The following MAMLD1 variants were observed in gnomAD, a reference collection of about 807,000 sequenced individuals.
MAMLD1 encodes mastermind-like domain-containing protein 1.
In MAMLD1, 14 loss-of-function variants were observed where a neutral mutation model predicts 45.0. The ratio of observed to expected loss-of-function variants is 0.31; its 90% CI spans 0.21 to 0.49. MAMLD1 has a LOEUF of 0.49. Ranked by LOEUF, MAMLD1 falls within the 20% of genes least tolerant of loss-of-function variation. The pLI, the probability that MAMLD1 is intolerant of heterozygous loss-of-function variation, is 0.99. For missense variants in MAMLD1, 543 were observed against 603.6 expected, an observed-to-expected ratio of 0.90 and a Z score of 1.05; for synonymous variants, 254 against 247.8, an observed-to-expected ratio of 1.02 and a Z score of -0.24.
At chrX:150,365,320 A>G (rs1159333966) in intron 1 of MAMLD1, among the ~76,000 whole-genome samples, 7 of 111,877 alleles carry the variant, frequency 6.3e-5, no homozygotes, top group Non-Finnish European at 1.9e-5. Context: ...GGAACCCACG[A>G]AGGCGCACGG....
intron 1 of MAMLD1, among the ~76,000 whole-genome samples, chrX:150,403,814 GAAGA>G (rs1462645842): frequency 3.3e-5 from 3 of 90,061 alleles, no homozygotes; most frequent in Non-Finnish European, 4.4e-5. Context: ...AGGAAGAAAG[GAAGA>G]AAGAAAGAAA....
At chrX:150,511,313 G>A (rs2037891308) in intron 7 of MAMLD1, among the ~76,000 whole-genome samples, 2 of 111,766 alleles carry the variant, frequency 1.8e-5, no homozygotes, top group South Asian at 7.6e-4. Flanking sequence ...TCCATCTTCT[G>A]CTCCGTGTCT....
intron 4 of MAMLD1, 69 bp from the exon 5 acceptor site, chrX:150,473,611 A>T: frequency 9.0e-7 from 1 of 1,112,761 alleles, no homozygotes; most frequent in Non-Finnish European, 1.2e-6. Flanking sequence ...CACATAGGAC[A>T]CGGCAGGCCA....
Position 150,470,339 on chromosome X carries a change from T to C in MAMLD1, c.766T>C (p.Ser256Pro), listed in dbSNP as rs782392419. Residue 256 changes from serine to proline, a missense_variant, in exon 4 of 8, where the codon TCC becomes CCC. Ser to Pro is a moderately conservative substitution (Grantham distance 74). Transcript: ENST00000370401. ...VTGMSLQIPS[S>P]STGISYSIPS... ...TGGCATGTCACTTCAGATCCCATCC[T>C]CCTCCACAGGGATCAGCTATTCGAT... 1 of 1,207,441 alleles carries C rather than the reference T, an allele frequency of 8.3e-7. No homozygotes were observed. Among genetic ancestry groups the C allele is most frequent in the South Asian group, 1.8e-5 (1 of 56,548 alleles).
At chrX:150,403,904 GAAGA>G (rs1299426842) in intron 1 of MAMLD1, among the ~76,000 whole-genome samples, 3 of 89,380 alleles carry the variant, frequency 3.4e-5, no homozygotes, top group Non-Finnish European at 6.6e-5. Context: ...GAAAAAGAAA[GAAGA>G]AAGAAAAAGA....
intron 2 of MAMLD1, among the ~76,000 whole-genome samples, chrX:150,453,553 AGT>A (rs1294427026): frequency 1.8e-5 from 2 of 111,857 alleles, no homozygotes; most frequent in Admixed American, 9.4e-5. Context: ...TGCCCCTAAA[AGT>A]GTTTCTTTTC....
At position 150,383,773 on chromosome X, in the gene MAMLD1, G is replaced by T. The variant is rs149993428; in HGVS notation, c.-64+20243G>T. On this transcript the variant is annotated intron_variant, in intron 1 of 7. Transcript: ENST00000370401. ...TAGCAAACATCCTCAATTACCCCCT[G>T]CCCAAGCCCTTAGTAACTATTAATA... is the stretch of plus-strand genomic sequence containing the variant. 5.2e-3 allele frequency among the ~76,000 whole-genome samples: 583 copies of T among 111,193 alleles called. 2 individuals carry two copies. Among genetic ancestry groups the T allele is most frequent in the African/African-American group, 0.018 (562 of 30,605 alleles).
At chrX:150,485,972 T>A (rs187802421) in intron 5 of MAMLD1, among the ~76,000 whole-genome samples, 1 of 111,653 alleles carries the variant, frequency 9.0e-6, no homozygotes, top group Admixed American at 9.5e-5. Context: ...AACTCAGGGG[T>A]CTGAGAGGCC....
intron 1 of MAMLD1, among the ~76,000 whole-genome samples, chrX:150,426,379 C>T (rs1229858020): frequency 1.8e-5 from 2 of 111,876 alleles, no homozygotes; most frequent in Non-Finnish European, 3.8e-5. Flanking sequence ...TCCCAACATC[C>T]AGGCCGGAAG....
intron 2 of MAMLD1, among the ~76,000 whole-genome samples, chrX:150,446,996 T>A (rs2035509593): frequency 8.9e-6 from 1 of 112,344 alleles, no homozygotes; most frequent in South Asian, 3.7e-4. Flanking sequence ...CCCAACTCCA[T>A]CAACACTCTT....
intron 1 of MAMLD1, among the ~76,000 whole-genome samples, chrX:150,394,791 G>A (rs1345962241): frequency 2.7e-5 from 3 of 111,333 alleles, no homozygotes; most frequent in African/African-American, 9.8e-5. Flanking sequence ...CTGTAACCTT[G>A]CTATAATGAC....
chrX:150,490,653 A>G (rs782216939), intron 5 of MAMLD1, among the ~76,000 whole-genome samples: 19 of 112,105 alleles, frequency 1.7e-4, no homozygotes, highest in Non-Finnish European at 3.2e-4. Flanking sequence ...AGTTTCACAG[A>G]ATCAGAGGAC....
intron 1 of MAMLD1, among the ~76,000 whole-genome samples, chrX:150,371,086 C>A (rs2031949707): frequency 1.8e-5 from 2 of 110,918 alleles, no homozygotes; most frequent in South Asian, 7.7e-4. Flanking sequence ...CCCGACCCAC[C>A]CACCAAGGCA....
chrX:150,508,939 G>A (rs1333059591), intron 6 of MAMLD1, among the ~76,000 whole-genome samples: 4 of 111,664 alleles, frequency 3.6e-5, no homozygotes, highest in African/African-American at 1.3e-4. Context: ...GTCAGACCTG[G>A]ATCCGAGTCA....
intron 5 of MAMLD1, among the ~76,000 whole-genome samples, chrX:150,489,349 G>GC (rs1224133768): frequency 9.1e-6 from 1 of 110,419 alleles, no homozygotes; most frequent in Non-Finnish European, 1.9e-5. Context: ...AGTAGATGGT[G>GC]CCTTCTTGCT....
chrX:150,511,673 T>C (rs2037903655), intron 7 of MAMLD1, among the ~76,000 whole-genome samples: 1 of 111,978 alleles, frequency 8.9e-6, no homozygotes, highest in South Asian at 3.8e-4. Flanking sequence ...TACAGAGCAC[T>C]GAGTGTAAAA....
Position 150,471,254 on chromosome X carries a change from C to A in MAMLD1, c.1681C>A (p.Pro561Thr). Residue 561 changes from proline (P) to threonine (T), a missense_variant, in exon 4 of 8, where the codon CCT (proline) becomes ACT (threonine). Coordinates refer to ENST00000370401, the MANE Select transcript of MAMLD1 (RefSeq NM_005491.5). ...EPGPQKMPSM[P>T]TTSRQPSLLH... ...GGGTCCCCAGAAGATGCCCTCCATG[C>A]CTACCACCTCTAGGCAGCCTTCCCT... 2 of 1,211,747 alleles carry A rather than the reference C, an allele frequency of 1.7e-6. No homozygotes were observed. Among genetic ancestry groups the A allele is most frequent in the Non-Finnish European group, 2.2e-6 (2 of 895,506 alleles).
chrX:150,482,409 G>T (rs1557407379), intron 5 of MAMLD1, among the ~76,000 whole-genome samples: 1 of 112,268 alleles, frequency 8.9e-6, no homozygotes, highest in Non-Finnish European at 1.9e-5. Flanking sequence ...TTTCAGTACA[G>T]GAAAATGAAA....
chrX:150,391,446 C>T (rs937560113), intron 1 of MAMLD1, among the ~76,000 whole-genome samples: 1 of 111,478 alleles, frequency 9.0e-6, no homozygotes, highest in Non-Finnish European at 1.9e-5. Flanking sequence ...GATGTGTCCT[C>T]AAGCTCATTA....
Sources: gnomAD v4.1 joint callset for allele counts (sites outside exome capture counted in the v4.1 genomes callset) on GRCh38, gnomAD v4.1.1 for gene constraint, MANE v1.5 for transcripts, NCBI Gene and HGNC (gene_info 2026-07-23, HGNC 2026-07-21) for gene names.